Variants in KCNAB1 observed in about 807,000 individuals in gnomAD.
The protein encoded by KCNAB1 is voltage-gated potassium channel subunit beta-1.
A neutral mutation model predicts 64.6 loss-of-function variants in KCNAB1; 35 were observed. That is an observed-to-expected ratio of 0.54 (90% CI 0.41 to 0.72). The LOEUF is 0.72. KCNAB1 is among the 30% of genes least tolerant of loss of function. The pLI is 0.00. For synonymous variants in KCNAB1, 177 were observed against 183.8 expected (o/e 0.96, Z 0.30); for missense variants, 401 against 512.9 (o/e 0.78, Z 2.11).
chr3:156,319,893 T>C (rs1722539749), intron 1 of KCNAB1, among the ~76,000 whole-genome samples: 3 of 152,192 alleles, frequency 2.0e-5, no homozygotes, highest in African/African-American at 7.2e-5. Flanking sequence ...AGTACCATGT[T>C]ACTATTCTGG....
intron 1 of KCNAB1, among the ~76,000 whole-genome samples, chr3:156,235,752 C>T (rs1454454537): frequency 6.6e-6 from 1 of 152,172 alleles, no homozygotes; most frequent in East Asian, 1.9e-4. Flanking sequence ...GGGTGGGTGG[C>T]TGTTCTGGAT....
intron 1 of KCNAB1, among the ~76,000 whole-genome samples, chr3:156,414,821 G>C (rs113308948): frequency 6.6e-6 from 1 of 152,074 alleles, no homozygotes; most frequent in Non-Finnish European, 1.5e-5. Flanking sequence ...AAGTAGACAT[G>C]AGTGGGCACT....
At chr3:156,444,957 G>C (rs6797169) in intron 2 of KCNAB1, among the ~76,000 whole-genome samples, 12,075 of 152,196 alleles carry the variant, frequency 0.079, 603 homozygotes, top group African/African-American at 0.14. Context: ...GGAAAATAGA[G>C]ATGGCAGCAA....
In KCNAB1 at chr3:156,381,100, G is replaced by C. The variant is rs73164719; in HGVS notation, c.276-40516G>C. ...TCATATTGGGTCCCAAAAACATATA[G>C]AATTGGCATTTCTCAATTGAAAATA... On this transcript the variant is annotated intron_variant, in intron 1 of 13. Transcript: ENST00000490337. 7.6e-3 allele frequency among the ~76,000 whole-genome samples: 1,152 copies of C among 152,136 alleles called. 5 individuals are homozygous for C. The highest frequency in any genetic ancestry group is 0.013 in the Non-Finnish European group (890 of 68,010).
chr3:156,297,740 A>G (rs543231497), intron 1 of KCNAB1, among the ~76,000 whole-genome samples: 4 of 152,148 alleles, frequency 2.6e-5, no homozygotes, highest in Admixed American at 2.0e-4. Context: ...TCAGCCAATT[A>G]TGTAAAAGGC....
chr3:156,167,786 C>T (rs1173240965), intron 1 of KCNAB1, among the ~76,000 whole-genome samples: 1 of 152,142 alleles, frequency 6.6e-6, no homozygotes, highest in African/African-American at 2.4e-5. Context: ...AAAAACTGTG[C>T]TTTAGTTCTA....
At chr3:156,213,104 G>A (rs561902491) in intron 1 of KCNAB1, among the ~76,000 whole-genome samples, 2 of 152,260 alleles carry the variant, frequency 1.3e-5, no homozygotes, top group South Asian at 4.2e-4. Context: ...TCTGGTGATG[G>A]GCTGAGTATG....
chr3:156,302,201 G>T (rs1287553484), intron 1 of KCNAB1, among the ~76,000 whole-genome samples: 1 of 151,932 alleles, frequency 6.6e-6, no homozygotes, highest in East Asian at 1.9e-4. Flanking sequence ...CGATTCTCCT[G>T]CCTGCCTCTT....
chr3:156,255,363 C>G (rs573879254), intron 1 of KCNAB1, among the ~76,000 whole-genome samples: 47 of 152,330 alleles, frequency 3.1e-4, no homozygotes, highest in African/African-American at 1.1e-3. Context: ...GGCACAGACT[C>G]AAGGCGTAAG....
intron 1 of KCNAB1, among the ~76,000 whole-genome samples, chr3:156,281,631 C>G (rs1719731420): frequency 6.6e-6 from 1 of 152,142 alleles, no homozygotes; most frequent in Admixed American, 6.5e-5. Flanking sequence ...TGATTATTGC[C>G]ACAATTTCAG....
chr3:156,309,767 C>A (rs1186950090), intron 1 of KCNAB1, among the ~76,000 whole-genome samples: 1 of 152,234 alleles, frequency 6.6e-6, no homozygotes, highest in East Asian at 1.9e-4. Context: ...AGTCCTTGGT[C>A]CTGCTGCCCT....
At chr3:156,184,529 G>A (rs1280817214) in intron 1 of KCNAB1, among the ~76,000 whole-genome samples, 2 of 152,220 alleles carry the variant, frequency 1.3e-5, no homozygotes, top group Non-Finnish European at 2.9e-5. Flanking sequence ...TGGAGACAGA[G>A]GAATGCAATA....
intron 1 of KCNAB1, among the ~76,000 whole-genome samples, chr3:156,412,143 TA>T (rs1394379698): frequency 6.6e-6 from 1 of 152,204 alleles, no homozygotes; most frequent in East Asian, 1.9e-4. Flanking sequence ...GGTGCTATTA[TA>T]AATAGTATTA....
chr3:156,438,204 C>T (rs893570402), intron 2 of KCNAB1, among the ~76,000 whole-genome samples: 22 of 152,314 alleles, frequency 1.4e-4, no homozygotes, highest in South Asian at 4.1e-4. Flanking sequence ...GTTACTTGCT[C>T]ATCCAATGAC....
chr3:156,492,561 A>AT (rs1276237642), intron 8 of KCNAB1, among the ~76,000 whole-genome samples: 1 of 152,096 alleles, frequency 6.6e-6, no homozygotes, highest in Non-Finnish European at 1.5e-5. Context: ...TAGGGAAGAA[A>AT]TTCAGATACT....
intron 1 of KCNAB1, among the ~76,000 whole-genome samples, chr3:156,337,398 C>CT (rs1172284864): frequency 6.6e-6 from 1 of 152,118 alleles, no homozygotes; most frequent in East Asian, 1.9e-4. Context: ...CCACTGTCTT[C>CT]TTTTTTCCTT....
chr3:156,215,337 C>A (rs1309208332), intron 1 of KCNAB1, among the ~76,000 whole-genome samples: 1 of 152,198 alleles, frequency 6.6e-6, no homozygotes, highest in Non-Finnish European at 1.5e-5. Context: ...ATGTAATGAC[C>A]TCCTAGTATG....
chr3:156,291,832 C>T, intron 1 of KCNAB1: 2 of 1,598,346 alleles, frequency 1.3e-6, no homozygotes, highest in South Asian at 1.1e-5. Context: ...AGCAGAAATC[C>T]CCGCAACTGC....
intron 12 of KCNAB1, among the ~76,000 whole-genome samples, chr3:156,524,405 T>C (rs1718154950): frequency 6.6e-6 from 1 of 152,142 alleles, no homozygotes; most frequent in African/African-American, 2.4e-5. Context: ...AACGTTGTTC[T>C]TCTAATGCTG....
Sources: allele counts gnomAD v4.1 joint callset (sites outside exome capture counted in the v4.1 genomes callset), GRCh38; gene constraint gnomAD v4.1.1; transcripts MANE v1.5; gene names NCBI Gene and HGNC (gene_info 2026-07-23, HGNC 2026-07-21).